RADIL: variants seen among roughly 807,000 people sequenced by gnomAD.
RADIL encodes ras-associating and dilute domain-containing protein.
A neutral mutation model predicts 97.6 loss-of-function variants in RADIL; 99 were observed. That is an observed-to-expected ratio of 1.01 (90% CI 0.86 to 1.20). RADIL has a LOEUF of 1.20. Among genes scored for constraint, RADIL ranks in the 50% most tolerant of loss-of-function variants. The pLI is 0.00. For missense variants in RADIL, 1,765 were observed against 1,498.9 expected (o/e 1.18, Z -2.93); for synonymous variants, 803 against 691.8 (o/e 1.16, Z -2.52).
Position 4,814,522 on chromosome 7 carries a change from T to C in RADIL, c.2139+756A>G, listed in dbSNP as rs922183327. On this transcript the variant is annotated intron_variant, in intron 9 of 14. Transcript: ENST00000399583. This position sits in a 1 kb window ranked among gnomAD's most constrained non-coding sequence, Gnocchi z 4.5. ...GTCTATTTCCATTAATTACCTGTGA[T>C]GACTGTGTTGGGAAGGGGGGTGGTG... 1.3e-5 allele frequency among the ~76,000 whole-genome samples: 2 copies of C among 150,492 alleles called. No homozygotes were observed. The highest frequency in any genetic ancestry group is 1.3e-4 in the Admixed American group (2 of 15,122).
chr7:4,851,112 G>T (rs1783697911), intron 2 of RADIL, among the ~76,000 whole-genome samples: 1 of 151,948 alleles, frequency 6.6e-6, no homozygotes, highest in Non-Finnish European at 1.5e-5. Flanking sequence ...GGCTGAGGCA[G>T]GAGAATCACT....
intron 12 of RADIL, among the ~76,000 whole-genome samples, chr7:4,800,527 C>T (rs1782047760): frequency 6.6e-6 from 1 of 152,242 alleles, no homozygotes; most frequent in South Asian, 2.1e-4. Context: ...TGAGGGAGCA[C>T]CTCAGTCCCC....
intron 2 of RADIL, among the ~76,000 whole-genome samples, chr7:4,871,400 C>A (rs300537): frequency 6.6e-6 from 1 of 152,236 alleles, no homozygotes; most frequent in African/African-American, 2.4e-5. Flanking sequence ...GCGCTTCCCG[C>A]GTGCACACAA....
At position 4,836,469 on chromosome 7, in the gene RADIL, G is replaced by A. The variant is rs138811640; in HGVS notation, c.672C>T (p.Asn224=). 31,914 of 1,605,598 alleles carry A rather than the reference G, an allele frequency of 0.02. 408 individuals are homozygous for A. Among genetic ancestry groups the A allele is most frequent in the Middle Eastern group, 0.03 (183 of 6,034 alleles). ...GGCCCTGGGCGGCAGCGGGCAGGGC[G>A]TTCACTGGGCTCAGGCTGGTCTCAC... ...TVSETSLSPV[N]ALPAAAQGPE... The change falls in exon 3 of 15, where the codon AAC becomes AAT. Residue 224 remains asparagine, a synonymous_variant. Coordinates refer to ENST00000399583, the MANE Select transcript of RADIL (RefSeq NM_018059.5).
chr7:4,866,006 T>C (rs996969390), intron 2 of RADIL, among the ~76,000 whole-genome samples: 2 of 152,230 alleles, frequency 1.3e-5, no homozygotes, highest in Admixed American at 6.5e-5. Context: ...TAGGTTTGTG[T>C]AAGTCACTCT....
intron 7 of RADIL, among the ~76,000 whole-genome samples, chr7:4,816,990 G>A (rs143672774): frequency 6.6e-5 from 10 of 152,270 alleles, no homozygotes; most frequent in African/African-American, 2.2e-4. Context: ...GGAAGGGGGC[G>A]TTTCAAGGCG....
chr7:4,823,043 A>G (rs1458079863), intron 5 of RADIL, among the ~76,000 whole-genome samples: 1 of 152,198 alleles, frequency 6.6e-6, no homozygotes, highest in Non-Finnish European at 1.5e-5. Flanking sequence ...GAGGTGCACA[A>G]AGGCAAAATG....
At chr7:4,805,856 A>AG in intron 9 of RADIL, 140 bp from the exon 10 acceptor site, 1 of 1,396,388 alleles carries the variant, frequency 7.2e-7, no homozygotes, top group Non-Finnish European at 9.3e-7. Context: ...GCCATCTGTG[A>AG]GGGGGACGGT....
At chr7:4,811,437 T>C (rs914296370) in intron 9 of RADIL, 2 of 152,068 alleles carry the variant, frequency 1.3e-5, no homozygotes, top group Non-Finnish European at 2.9e-5. Context: ...GTTTCCTCTT[T>C]TTCTACTTTC....
chr7:4,800,988 C>T (rs1422747963), intron 12 of RADIL, among the ~76,000 whole-genome samples: 1 of 152,228 alleles, frequency 6.6e-6, no homozygotes, highest in Non-Finnish European at 1.5e-5. Context: ...ACCCTCAATG[C>T]CCTCCCCAGC....
At chr7:4,825,882 A>AG (rs1307039189) in intron 5 of RADIL, among the ~76,000 whole-genome samples, 2 of 114,356 alleles carry the variant, frequency 1.7e-5, no homozygotes, top group African/African-American at 5.4e-5. Flanking sequence ...ACTCCGTCTC[A>AG]GAAAAAAAAA....
chr7:4,880,163 G>C lies in RADIL; in HGVS notation c.-64-1960C>G, dbSNP rs1024553622. On this transcript the variant is annotated intron_variant, in intron 1 of 14. Transcript: ENST00000399583. The surrounding 1 kb of genome is among the most constrained non-coding windows in gnomAD (Gnocchi z 4.5). ...AACAGGTCACGGAGTTCCCAGTACA[G>C]GTCATAAGCAGATGGAGCCTTGAGG... 6.6e-6 allele frequency among the ~76,000 whole-genome samples: 1 copy of C among 152,154 alleles called. No homozygotes were observed. The highest frequency in any genetic ancestry group is 1.5e-5 in the Non-Finnish European group (1 of 68,042).
intron 2 of RADIL, among the ~76,000 whole-genome samples, chr7:4,848,206 G>T (rs1290326692): frequency 1.5e-5 from 2 of 130,084 alleles, no homozygotes; most frequent in African/African-American, 3.1e-5. Flanking sequence ...GACTGAGTGA[G>T]ACCCCGTCTC....
At chr7:4,863,987 C>T (rs957069471) in intron 2 of RADIL, among the ~76,000 whole-genome samples, 1 of 152,202 alleles carries the variant, frequency 6.6e-6, no homozygotes, top group African/African-American at 2.4e-5. Context: ...TTCCTGGGTA[C>T]TCAGCTATGC....
At position 4,799,279 on chromosome 7, in the gene RADIL, A is replaced by G. The variant is rs549790489; in HGVS notation, c.*99T>C. ...GGGTGAGGCTCCCCACCCGGGACCC[A>G]ACTTGGTCAGTTACAAAACAGGGAC... On this transcript the variant is annotated 3_prime_UTR_variant, in exon 15 of 15. Transcript: ENST00000399583. 3 of 1,210,570 alleles carry G rather than the reference A, an allele frequency of 2.5e-6. No homozygotes were observed. The highest frequency in any genetic ancestry group is 2.6e-5 in the South Asian group (2 of 76,684). 75.0% of individuals were successfully genotyped at this position (1,210,570 alleles called of 1,614,324 possible).
chr7:4,877,344 G>A (rs896608616), intron 2 of RADIL, among the ~76,000 whole-genome samples: 1 of 152,220 alleles, frequency 6.6e-6, no homozygotes, highest in Non-Finnish European at 1.5e-5. Flanking sequence ...AGGAGGCTGA[G>A]GTGGGAGGAT....
rs1356948663 is a variant in RADIL, at chr7:4,872,278, A to C, written c.535+5327T>G. 6.6e-6 allele frequency among the ~76,000 whole-genome samples: 1 copy of C among 152,210 alleles called. No individual in the cohort carries two copies. Among genetic ancestry groups the C allele is most frequent in the Non-Finnish European group, 1.5e-5 (1 of 68,038 alleles). ...GTTGTTACAACTTGGGGGTGGGGGC[A>C]CAGGAGCCAGGGACACTGCTCATCG... is the stretch of plus-strand genomic sequence containing the variant. On this transcript the variant is annotated intron_variant, in intron 2 of 14. Coordinates refer to ENST00000399583, the MANE Select transcript of RADIL (RefSeq NM_018059.5). The surrounding 1 kb of genome is among the most constrained non-coding windows in gnomAD (Gnocchi z 5.8).
intron 9 of RADIL, chr7:4,806,054 C>T: frequency 1.0e-6 from 1 of 985,438 alleles, no homozygotes; most frequent in Non-Finnish European, 1.2e-6. Flanking sequence ...TTCCTGCCTC[C>T]AACGGTGTGA....
In RADIL at chr7:4,843,160, C is replaced by T. The variant is rs540761966; in HGVS notation, c.536-6555G>A. On this transcript the variant is annotated intron_variant, in intron 2 of 14. Coordinates refer to ENST00000399583, the MANE Select transcript of RADIL (RefSeq NM_018059.5). ...TAGCTAGGATTACAGAAGCCCACTA[C>T]CCCCGACCCCCGCCAGCTAATTTTT... Among the ~76,000 whole-genome samples the T allele has an allele frequency of 1.5e-3, 232 of 151,462 alleles. 2 individuals carry two copies. Among genetic ancestry groups the T allele is most frequent in the African/African-American group, 5.3e-3 (217 of 41,208 alleles).
Sources: gnomAD v4.1 joint callset for allele counts (sites outside exome capture counted in the v4.1 genomes callset) on GRCh38, gnomAD v4.1.1 for gene constraint, Gnocchi (gnomAD v3.1) non-coding constraint, MANE v1.5 for transcripts, NCBI Gene and HGNC (gene_info 2026-07-23, HGNC 2026-07-21) for gene names.